Variants in SMAD1 observed in about 807,000 individuals in gnomAD.
SMAD1 encodes SMAD family member 1.
SMAD1 carries 6 observed loss-of-function variants against 41.6 expected under a neutral mutation model. That is an observed-to-expected ratio of 0.14 (90% CI 0.08 to 0.28). SMAD1 has a LOEUF of 0.28. SMAD1 is among the 10% of genes least tolerant of loss of function. The pLI, the probability that SMAD1 is intolerant of heterozygous loss-of-function variation, is 1.00. For synonymous variants in SMAD1, 206 were observed against 203.2 expected (o/e 1.01, Z -0.12); for missense variants, 379 against 582.6 (o/e 0.65, Z 3.60).
intron 4 of SMAD1, chr4:145,544,479 G>T (rs775787031): frequency 6.6e-6 from 1 of 152,032 alleles, no homozygotes; most frequent in Non-Finnish European, 1.5e-5. Flanking sequence ...TACTTGGGAG[G>T]CTGAGGCAGG....
chr4:145,482,703 C>A lies in SMAD1; in HGVS notation c.-177+665C>A, dbSNP rs567853559. On this transcript the variant is annotated intron_variant, in intron 1 of 6. Coordinates refer to ENST00000302085, the MANE Select transcript of SMAD1 (RefSeq NM_005900.3). This position sits in a 1 kb window ranked among gnomAD's most constrained non-coding sequence, Gnocchi z 4.2. The stretch of plus-strand genomic sequence containing the variant: ...GCACCGAGATCCCCTCTAATTTATT[C>A]AAAGGTTTGGCGGCGGCGCGTAATT... 6.6e-6 allele frequency: 1 copy of A among 152,186 alleles called. No individual in the cohort carries two copies. The highest frequency in any genetic ancestry group is 1.5e-5 in the Non-Finnish European group (1 of 68,044). The allele number at this position is 152,186 out of a possible 1,614,324, so 9.4% of individuals were successfully genotyped here.
chr4:145,496,473 G>C (rs1729079763), intron 1 of SMAD1, among the ~76,000 whole-genome samples: 1 of 152,156 alleles, frequency 6.6e-6, no homozygotes, highest in African/African-American at 2.4e-5. Context: ...GTGGTGATGA[G>C]GATGATATAA....
At chr4:145,527,517 C>G (rs1055972310) in intron 2 of SMAD1, among the ~76,000 whole-genome samples, 1 of 152,096 alleles carries the variant, frequency 6.6e-6, no homozygotes, top group Non-Finnish European at 1.5e-5. Flanking sequence ...GCCACCGCGC[C>G]CGGCCCTATT....
At chr4:145,522,943 C>T (rs1369308282) in intron 2 of SMAD1, among the ~76,000 whole-genome samples, 1 of 152,132 alleles carries the variant, frequency 6.6e-6, no homozygotes, top group Non-Finnish European at 1.5e-5. Flanking sequence ...TCCCAAAGTG[C>T]TGGGATTACA....
chr4:145,505,108 C>G (rs1207504070), intron 1 of SMAD1, among the ~76,000 whole-genome samples: 1 of 152,070 alleles, frequency 6.6e-6, no homozygotes, highest in Non-Finnish European at 1.5e-5. Context: ...TTTGTTTGGA[C>G]TATACAGTTG....
At chr4:145,536,226 TAC>T (rs1417563596) in intron 2 of SMAD1, among the ~76,000 whole-genome samples, 3 of 152,046 alleles carry the variant, frequency 2.0e-5, no homozygotes, top group South Asian at 4.1e-4. Flanking sequence ...CAATTTCCAG[TAC>T]ACACACGCAC....
chr4:145,551,240 C>T (rs558651526), intron 5 of SMAD1, among the ~76,000 whole-genome samples: 2 of 152,284 alleles, frequency 1.3e-5, no homozygotes, highest in East Asian at 3.9e-4. Flanking sequence ...CATAGCAAAT[C>T]AGTAGAGTCT....
In SMAD1 at chr4:145,482,737, C is replaced by T. The variant is rs1159340170; in HGVS notation, c.-177+699C>T. ...GGCGGCGGCGCGTAATTTTTTCCCC[C>T]TCTTCCGCCTACACCCGCTGCGTCT... is the stretch of plus-strand genomic sequence containing the variant. On this transcript the variant is annotated intron_variant, in intron 1 of 6. Transcript: ENST00000302085. The surrounding 1 kb of genome is among the most constrained non-coding windows in gnomAD (Gnocchi z 4.2). 1.3e-5 allele frequency: 2 copies of T among 152,264 alleles called. No individual in the cohort carries two copies. Among genetic ancestry groups the T allele is most frequent in the African/African-American group, 4.8e-5 (2 of 41,450 alleles). 9.4% of individuals were successfully genotyped at this position (152,264 alleles called of 1,614,324 possible). A position where few individuals can be genotyped will look rare whatever the true frequency, so the allele number is the denominator to read the frequency against.
intron 6 of SMAD1, among the ~76,000 whole-genome samples, chr4:145,556,436 C>G (rs548275785): frequency 3.3e-5 from 5 of 151,932 alleles, no homozygotes; most frequent in Non-Finnish European, 7.4e-5. Flanking sequence ...TTCTGATGTT[C>G]AGATATATTT....
rs753995334 is a variant in SMAD1, at chr4:145,557,817, G to A, written c.1281G>A (p.Gln427=). Residue 427 remains glutamine (Q), a synonymous_variant, in exon 7 of 7, where the codon CAG becomes CAA. Transcript: ENST00000302085. ...VKGWGAEYHR[Q]DVTSTPCWIE... is the part of the protein sequence containing the mutation. ...GCTGGGGAGCAGAATACCACCGCCA[G>A]GATGTTACTAGCACCCCCTGCTGGA... 1.6e-5 allele frequency: 26 copies of A among 1,610,022 alleles called. No individual in the cohort carries two copies. Among genetic ancestry groups the A allele is most frequent in the Non-Finnish European group, 2.0e-5 (24 of 1,177,562 alleles).
At chr4:145,531,560 G>A (rs991848756) in intron 2 of SMAD1, among the ~76,000 whole-genome samples, 7 of 152,232 alleles carry the variant, frequency 4.6e-5, no homozygotes, top group East Asian at 3.9e-4. Flanking sequence ...AACTCCAGGT[G>A]TACATGAGCA....
chr4:145,517,659 C>A (rs1730496029), intron 2 of SMAD1, among the ~76,000 whole-genome samples: 1 of 129,004 alleles, frequency 7.8e-6, no homozygotes, highest in Non-Finnish European at 1.9e-5. Flanking sequence ...CGTCATTTGG[C>A]CATTTTTTTA....
chr4:145,483,984 A>G (rs1728334253), intron 1 of SMAD1, among the ~76,000 whole-genome samples: 1 of 152,140 alleles, frequency 6.6e-6, no homozygotes, highest in Admixed American at 6.5e-5. Flanking sequence ...ATTTTATGTT[A>G]TTTTTACTAA....
At chr4:145,522,352 A>G (rs999257697) in intron 2 of SMAD1, among the ~76,000 whole-genome samples, 1 of 152,160 alleles carries the variant, frequency 6.6e-6, no homozygotes, top group African/African-American at 2.4e-5. Context: ...CTGTAATCCC[A>G]GCACTGTGGG....
In SMAD1 at chr4:145,553,698, T is replaced by A. The variant is rs1314437887; in HGVS notation, c.998-86T>A. On this transcript the variant is annotated intron_variant, in intron 5 of 6. Coordinates refer to ENST00000302085, the MANE Select transcript of SMAD1 (RefSeq NM_005900.3). ...TAGCCAAAGTTTAAATCCATGTATA[T>A]TTAAGTTTCTGTGTTGAAGCTGCAC... is the stretch of plus-strand genomic sequence containing the variant. 4.1e-6 allele frequency: 5 copies of A among 1,214,100 alleles called. No homozygotes were observed. In the African/African-American group the frequency reaches 6.0e-5, roughly 15 times the overall value. 75.2% of individuals were successfully genotyped at this position (1,214,100 alleles called of 1,614,324 possible). A position where few individuals can be genotyped will look rare whatever the true frequency, so the allele number is the denominator to read the frequency against.
chr4:145,495,616 C>CTTTT (rs58468364), intron 1 of SMAD1, among the ~76,000 whole-genome samples: 315 of 127,038 alleles, frequency 2.5e-3, no homozygotes, highest in African/African-American at 8.9e-3. Flanking sequence ...AATTAATTTC[C>CTTTT]TTTTTTTTTT....
intron 1 of SMAD1, among the ~76,000 whole-genome samples, chr4:145,506,898 C>T (rs1729817390): frequency 6.6e-6 from 1 of 152,036 alleles, no homozygotes; most frequent in Admixed American, 6.5e-5. Context: ...AGTATTTTAA[C>T]ATTTTTTTCT....
chr4:145,555,404 A>G (rs1732782608), intron 6 of SMAD1, among the ~76,000 whole-genome samples: 1 of 152,186 alleles, frequency 6.6e-6, no homozygotes, highest in Non-Finnish European at 1.5e-5. Flanking sequence ...TTTTTCTGCC[A>G]TTTTAACTGT....
At chr4:145,496,412 T>C (rs1391804283) in intron 1 of SMAD1, among the ~76,000 whole-genome samples, 1 of 150,316 alleles carries the variant, frequency 6.7e-6, no homozygotes, top group Non-Finnish European at 1.5e-5. Context: ...CCTATTTAAT[T>C]AAATTTAAAG....
Sources: allele counts gnomAD v4.1 joint callset (sites outside exome capture counted in the v4.1 genomes callset), GRCh38; gene constraint gnomAD v4.1.1; non-coding constraint Gnocchi (gnomAD v3.1); transcripts MANE v1.5; gene names NCBI Gene and HGNC (gene_info 2026-07-23, HGNC 2026-07-21).